Variants in PTCD1 observed in about 807,000 individuals in gnomAD.
PTCD1 encodes the protein pentatricopeptide repeat-containing protein 1, mitochondrial.
Under a neutral mutation model 53.4 loss-of-function variants are expected in PTCD1, and 50 were observed. That is an observed-to-expected ratio of 0.94 (90% CI 0.75 to 1.19). PTCD1 has a LOEUF of 1.19. Ranked by LOEUF, PTCD1 falls within the 50% of genes most tolerant of loss-of-function variation. The probability of loss-of-function intolerance (pLI) is 0.00; values close to 1 mark genes in which losing one functional copy is unlikely to be tolerated. For missense variants in PTCD1, 918 were observed against 904.8 expected (o/e 1.01, Z -0.19); for synonymous variants, 413 against 394.8 (o/e 1.05, Z -0.55).
At chr7:99,435,302 T>A (rs1334994307) in intron 1 of PTCD1, 34 bp from the exon 2 acceptor site, 1 of 1,598,150 alleles carries the variant, frequency 6.3e-7, no homozygotes, top group East Asian at 2.2e-5. Context: ...GAGAGTCAAC[T>A]CAGTTCCTAG....
At chr7:99,426,773 G>A (rs1291032282) in intron 5 of PTCD1, among the ~76,000 whole-genome samples, 1 of 150,376 alleles carries the variant, frequency 6.6e-6, no homozygotes, top group African/African-American at 2.5e-5. Context: ...GAAGTGAGGA[G>A]CATCTCTGCC....
At position 99,426,460 on chromosome 7, in the gene PTCD1, G is replaced by A. The variant is rs560353615; in HGVS notation, c.916-844C>T. Among the ~76,000 whole-genome samples the A allele has an allele frequency of 5.8e-3, 889 of 152,294 alleles. 6 individuals are homozygous for A. The highest frequency in any genetic ancestry group is 0.02 in the African/African-American group (849 of 41,564). ...ACCAACCTCGGCCTCCCGAGGTGCC[G>A]GGATTGCAGACGGAGTCTCGTTCAC... On this transcript the variant is annotated intron_variant, in intron 5 of 7. Transcript: ENST00000292478.
In PTCD1 at chr7:99,425,524, G is replaced by A. The variant is rs745769125; in HGVS notation, c.1008C>T (p.Asp336=). The stretch of plus-strand genomic sequence containing the variant: ...GAAGCAGCTCTGAGGCCACCTGGGG[G>A]TCCCCTAGGCCACAGTCCCGAGCTG... The part of the protein sequence containing the change: ...LVAARDCGLG[D]PQVASELLLK... The change falls in exon 6 of 8, where the codon GAC becomes GAT. Residue 336 remains aspartate, a synonymous_variant. Coordinates refer to ENST00000292478, the MANE Select transcript of PTCD1 (RefSeq NM_015545.4). The A allele has an allele frequency of 2.5e-6, 4 of 1,612,122 alleles. No individual in the cohort carries two copies. The Admixed American group carries it at 5.0e-5, about 20-fold the overall frequency.
chr7:99,421,966 T>C (rs1795839693), intron 7 of PTCD1, among the ~76,000 whole-genome samples: 1 of 152,208 alleles, frequency 6.6e-6, no homozygotes, highest in African/African-American at 2.4e-5. Context: ...GACTTAAATA[T>C]GATATGCTTT....
intron 7 of PTCD1, among the ~76,000 whole-genome samples, chr7:99,420,930 G>A (rs1795782864): frequency 6.6e-6 from 1 of 151,934 alleles, no homozygotes; most frequent in African/African-American, 2.4e-5. Flanking sequence ...CTGGGCGACA[G>A]AGCAAGACTC....
In PTCD1 at chr7:99,419,345, C is replaced by G. The variant is rs764912236; in HGVS notation, c.*622G>C. 11 of 1,606,894 alleles carry G rather than the reference C, an allele frequency of 6.8e-6. No homozygotes were observed. Among genetic ancestry groups the G allele is most frequent in the Non-Finnish European group, 9.4e-6 (11 of 1,176,130 alleles). On this transcript the variant is annotated 3_prime_UTR_variant, in exon 8 of 8. Coordinates refer to ENST00000292478, the MANE Select transcript of PTCD1 (RefSeq NM_015545.4). The stretch of plus-strand genomic sequence containing the variant: ...TGCCACATATGTGAGTGTGCAGGGG[C>G]GAGCGTGGCGCAGTGGCATCGTCTC...
chr7:99,417,765 G>A lies in PTCD1; in HGVS notation c.*2202C>T. The stretch of plus-strand genomic sequence containing the variant: ...CCCTGTATTCAGGAATCCATGTGAG[G>A]CAGCGTGTGGCTGTGTGTTTGTTAG... On this transcript the variant is annotated 3_prime_UTR_variant, in exon 8 of 8. Coordinates refer to ENST00000292478, the MANE Select transcript of PTCD1 (RefSeq NM_015545.4). 6.5e-7 allele frequency: 1 copy of A among 1,532,482 alleles called. No individual in the cohort carries two copies. Among genetic ancestry groups the A allele is most frequent in the Non-Finnish European group, 8.7e-7 (1 of 1,145,138 alleles). The allele number at this position is 1,532,482 out of a possible 1,614,324, so 94.9% of individuals were successfully genotyped here.
At chr7:99,437,692 G>T (rs763950782) in intron 1 of PTCD1, among the ~76,000 whole-genome samples, 1 of 151,800 alleles carries the variant, frequency 6.6e-6, no homozygotes, top group African/African-American at 2.4e-5. Flanking sequence ...GTTTTTTTGC[G>T]TCTCACTCTG....
chr7:99,424,870 G>T lies in PTCD1; in HGVS notation c.1662C>A (p.Asn554Lys). 1 of 1,614,254 alleles carries T rather than the reference G, an allele frequency of 6.2e-7. No homozygotes were observed. The highest frequency in any genetic ancestry group is 8.5e-7 in the Non-Finnish European group (1 of 1,180,044). Residue 554 changes from asparagine (N) to lysine (K), a missense_variant, in exon 6 of 8, where the codon AAC becomes AAA. Physicochemically the swap from Asn to Lys is moderately conservative, Grantham distance 94 (BLOSUM62 0). Transcript: ENST00000292478. Reference protein sequence around the residue: ...PVLAKRGLVPNLQTFCNLAIG... With the variant: ...PVLAKRGLVPKLQTFCNLAIG... Reference sequence around the variant, plus strand: ...TGGCCAGGTTGCAGAATGTCTGCAGGTTGGGGACGAGGCCCCTCTTTGCCA... The same window carrying T: ...TGGCCAGGTTGCAGAATGTCTGCAGTTTGGGGACGAGGCCCCTCTTTGCCA...
rs1584454491 is a variant in PTCD1, at chr7:99,423,959, T to C, written c.1738-2A>G. The C allele has an allele frequency of 6.2e-7, 1 of 1,614,028 alleles. No homozygotes were observed. The highest frequency in any genetic ancestry group is 8.5e-7 in the Non-Finnish European group (1 of 1,179,948). On this transcript the variant is annotated splice_acceptor_variant, in intron 6 of 7. Transcript: ENST00000292478. LOFTEE classifies it high-confidence loss of function. ...AGTGTTGGGGGTCACCTGGGACTTC[T>C]AGAACACAGGGACATCGTAGAATCA...
At chr7:99,426,310 CTGCCGAGTACCTGCGAT>C (rs1409236231) in intron 5 of PTCD1, among the ~76,000 whole-genome samples, 1 of 152,226 alleles carries the variant, frequency 6.6e-6, no homozygotes, top group Non-Finnish European at 1.5e-5. Context: ...CTGCCTCAGC[CTGCCGAGTACCTGCGAT>C]TGCAGGCGCG....
intron 7 of PTCD1, among the ~76,000 whole-genome samples, chr7:99,422,881 T>G (rs1375922177): frequency 1.3e-5 from 2 of 152,128 alleles, no homozygotes; most frequent in African/African-American, 4.8e-5. Flanking sequence ...CAACTAATCT[T>G]TTGCGTCCTC....
At chr7:99,422,370 C>T (rs949852388) in intron 7 of PTCD1, among the ~76,000 whole-genome samples, 8 of 152,166 alleles carry the variant, frequency 5.3e-5, no homozygotes, top group Non-Finnish European at 1.2e-4. Flanking sequence ...CTCGATGCTC[C>T]GGAGATGCTC....
At chr7:99,436,032 C>T (rs141853274) in intron 1 of PTCD1, among the ~76,000 whole-genome samples, 268 of 152,142 alleles carry the variant, frequency 1.8e-3, no homozygotes, top group Middle Eastern at 0.01. Context: ...TGCAGCCCCA[C>T]CCTCCTGTGC....
chr7:99,424,045 G>A (rs557357664), intron 6 of PTCD1, 88 bp from the exon 7 acceptor site: 177 of 1,548,728 alleles, frequency 1.1e-4, no homozygotes, highest in South Asian at 5.5e-4. Context: ...GCTGGCTCCC[G>A]GGACCAGCGG....
In PTCD1 at chr7:99,428,987, A is replaced by C. The variant is rs957628929; in HGVS notation, c.915+116T>G. 76 of 1,276,264 alleles carry C rather than the reference A, an allele frequency of 6.0e-5. 1 individual carries two copies. The Middle Eastern group carries it at 2.2e-3, about 36-fold the overall frequency. 79.1% of individuals were successfully genotyped at this position (1,276,264 alleles called of 1,614,324 possible). On this transcript the variant is annotated intron_variant, in intron 5 of 7. Coordinates refer to ENST00000292478, the MANE Select transcript of PTCD1 (RefSeq NM_015545.4). ...ACAGTGGCTGCTGGGTTTTCAGAAA[A>C]GAGCACAGATATAAAAATACTCAGC...
At position 99,425,518 on chromosome 7, in the gene PTCD1, C is replaced by T; in HGVS notation, c.1014G>A (p.Gln338=). The change falls in exon 6 of 8, where the codon CAG becomes CAA. Residue 338 remains glutamine, a synonymous_variant. Coordinates refer to ENST00000292478, the MANE Select transcript of PTCD1 (RefSeq NM_015545.4). The part of the protein sequence containing the change: ...AARDCGLGDP[Q]VASELLLKPR... ...GCTTCAGAAGCAGCTCTGAGGCCAC[C>T]TGGGGGTCCCCTAGGCCACAGTCCC... The T allele has an allele frequency of 3.7e-6, 6 of 1,612,378 alleles. No homozygotes were observed. Among genetic ancestry groups the T allele is most frequent in the Non-Finnish European group, 5.1e-6 (6 of 1,179,336 alleles).
At chr7:99,436,223 A>G (rs1796461131) in intron 1 of PTCD1, among the ~76,000 whole-genome samples, 2 of 152,238 alleles carry the variant, frequency 1.3e-5, no homozygotes, top group Admixed American at 1.3e-4. Flanking sequence ...GATTACAGCA[A>G]TGAGCCACCA....
chr7:99,435,754 C>T (rs573377250), intron 1 of PTCD1, among the ~76,000 whole-genome samples: 2 of 151,588 alleles, frequency 1.3e-5, no homozygotes, highest in Admixed American at 6.6e-5. Context: ...ACCAGCCTGG[C>T]GACACCCCAT....
Sources: allele counts gnomAD v4.1 joint callset (sites outside exome capture counted in the v4.1 genomes callset), GRCh38; gene constraint gnomAD v4.1.1; transcripts MANE v1.5; gene names NCBI Gene and HGNC (gene_info 2026-07-23, HGNC 2026-07-21).